Variants in MGAT4C observed in about 807,000 individuals in gnomAD.
MGAT4C encodes MGAT4 family member C, also known as alpha-1,3-mannosyl-glycoprotein 4-beta-N-acetylglucosaminyltransferase C.
Under a neutral mutation model 40.1 loss-of-function variants are expected in MGAT4C, and 19 were observed. The observed-to-expected ratio is 0.47, with a 90% CI of 0.33 to 0.70. The LOEUF is 0.70. Ranked by LOEUF, MGAT4C falls within the 30% of genes least tolerant of loss-of-function variation. MGAT4C has a pLI of 0.02. For missense variants in MGAT4C, 491 were observed against 563.2 expected, an observed-to-expected ratio of 0.87 and a Z score of 1.30; for synonymous variants, 181 against 187.1, an observed-to-expected ratio of 0.97 and a Z score of 0.27.
chr12:86,685,194 T>A (rs1950051886), intron 2 of MGAT4C, among the ~76,000 whole-genome samples: 1 of 152,208 alleles, frequency 6.6e-6, no homozygotes. Context: ...CTTTAATCCA[T>A]CTTGAGTTAA....
intron 2 of MGAT4C, among the ~76,000 whole-genome samples, chr12:86,596,015 T>C (rs1961524162): frequency 6.6e-6 from 1 of 152,162 alleles, no homozygotes; most frequent in Non-Finnish European, 1.5e-5. Context: ...TAACTAATCC[T>C]TGTACTATTA....
rs564165478 is a variant in MGAT4C, at chr12:86,761,781, G to A, written c.-261-34540C>T. Among the ~76,000 whole-genome samples the A allele has an allele frequency of 3.9e-5, 6 of 152,112 alleles. No homozygotes were observed. In the East Asian group the frequency reaches 1.2e-3, roughly 29 times the overall value. Reference sequence around the variant, plus strand: ...CCTCTGCTTCCATCTTCATATTGATGGCTATTCTCTTGAACTTTTTGCTTC... The same window carrying A: ...CCTCTGCTTCCATCTTCATATTGATAGCTATTCTCTTGAACTTTTTGCTTC... On this transcript the variant is annotated intron_variant, in intron 1 of 7. Transcript: ENST00000548651.
chr12:86,229,528 A>G (rs1399496436), intron 1 of MGAT4C, among the ~76,000 whole-genome samples: 1 of 152,026 alleles, frequency 6.6e-6, no homozygotes, highest in Non-Finnish European at 1.5e-5. Context: ...TGTTGTTCTA[A>G]TTCTTAGTTT....
At chr12:86,495,935 C>T (rs1958227372) in intron 2 of MGAT4C, among the ~76,000 whole-genome samples, 1 of 152,106 alleles carries the variant, frequency 6.6e-6, no homozygotes, top group African/African-American at 2.4e-5. Context: ...CTAACCCTTC[C>T]CTAATTCCTG....
At position 86,262,626 on chromosome 12, in the gene MGAT4C, C is replaced by T. The variant is rs776932139; in HGVS notation, c.-57+71439G>A. On this transcript the variant is annotated intron_variant, in intron 4 of 7. Transcript: ENST00000548651. Reference sequence around the variant, plus strand: ...CATTCTGTCTGCTTTTGCTTACTCTCTTAGGCATATGATTCATTTTTAGAG... The same window carrying T: ...CATTCTGTCTGCTTTTGCTTACTCTTTTAGGCATATGATTCATTTTTAGAG... 3.3e-5 allele frequency among the ~76,000 whole-genome samples: 5 copies of T among 152,026 alleles called. No homozygotes were observed. The East Asian group carries it at 9.6e-4, about 29-fold the overall frequency.
At chr12:86,298,254 A>T (rs1953728122) in intron 4 of MGAT4C, among the ~76,000 whole-genome samples, 1 of 152,130 alleles carries the variant, frequency 6.6e-6, no homozygotes, top group Non-Finnish European at 1.5e-5. Flanking sequence ...AACATAAAAT[A>T]TTTAACTTAT....
chr12:86,486,800 T>G (rs1958027993), intron 2 of MGAT4C, among the ~76,000 whole-genome samples: 1 of 152,142 alleles, frequency 6.6e-6, no homozygotes, highest in Non-Finnish European at 1.5e-5. Context: ...CCACAAAACA[T>G]TCTTATTTTT....
At chr12:86,386,207 G>A (rs1291984319) in intron 3 of MGAT4C, among the ~76,000 whole-genome samples, 4 of 152,202 alleles carry the variant, frequency 2.6e-5, no homozygotes, top group Non-Finnish European at 5.9e-5. Flanking sequence ...TGGGATTACA[G>A]GTGTGAGCCA....
intron 2 of MGAT4C, among the ~76,000 whole-genome samples, chr12:86,436,034 T>C (rs1408006136): frequency 2.0e-5 from 3 of 151,916 alleles, no homozygotes; most frequent in African/African-American, 7.2e-5. Context: ...CTCTTTATAA[T>C]GATCTAAGCA....
chr12:86,111,653 T>G (rs1348003881), intron 1 of MGAT4C, among the ~76,000 whole-genome samples: 1 of 151,854 alleles, frequency 6.6e-6, no homozygotes, highest in African/African-American at 2.4e-5. Flanking sequence ...AGGAAGTCTA[T>G]AACCTAAGCC....
At chr12:86,042,207 T>A (rs547460211) in intron 2 of MGAT4C, among the ~76,000 whole-genome samples, 1 of 152,320 alleles carries the variant, frequency 6.6e-6, no homozygotes, top group South Asian at 2.1e-4. Flanking sequence ...GATGACACTG[T>A]ATGAGAGATG....
At chr12:86,662,212 A>G (rs562800206) in intron 2 of MGAT4C, among the ~76,000 whole-genome samples, 31 of 152,316 alleles carry the variant, frequency 2.0e-4, no homozygotes, top group Non-Finnish European at 3.7e-4. Context: ...GCAATATGAG[A>G]TTAACTCATG....
chr12:86,327,125 TTA>T (rs1954547211), intron 4 of MGAT4C, among the ~76,000 whole-genome samples: 1 of 152,156 alleles, frequency 6.6e-6, no homozygotes, highest in Non-Finnish European at 1.5e-5. Flanking sequence ...GCATTTACCA[TTA>T]TCTTATTATC....
intron 2 of MGAT4C, among the ~76,000 whole-genome samples, chr12:86,544,816 T>G (rs1431079780): frequency 6.6e-6 from 1 of 152,062 alleles, no homozygotes; most frequent in African/African-American, 2.4e-5. Context: ...ACCTTAGTAG[T>G]GAATTGTAGC....
At chr12:86,786,400 C>T (rs1052517936) in intron 1 of MGAT4C, among the ~76,000 whole-genome samples, 3 of 151,962 alleles carry the variant, frequency 2.0e-5, no homozygotes, top group Non-Finnish European at 4.4e-5. Flanking sequence ...TATATATTAA[C>T]CAATGATGTC....
At chr12:86,347,333 G>A (rs1156455411) in intron 3 of MGAT4C, among the ~76,000 whole-genome samples, 2 of 151,946 alleles carry the variant, frequency 1.3e-5, no homozygotes, top group Admixed American at 1.3e-4. Context: ...GAAATATTAA[G>A]TATAAAAAAA....
rs1442414496 is a variant in MGAT4C at position 86,221,550 on chromosome 12, C to T, written c.-57+34689G>A. Among the ~76,000 whole-genome samples the T allele has an allele frequency of 3.3e-5, 5 of 152,126 alleles. No individual in the cohort carries two copies. The East Asian group carries it at 5.8e-4, about 18-fold the overall frequency. ...TAAATTAGTTATGTCCTAAAGCTGC[C>T]TCTGTACATAGTGACCTGCAATCTA... On this transcript the variant is annotated intron_variant, in intron 1 of 4. Coordinates refer to ENST00000611864, the MANE Select transcript of MGAT4C (RefSeq NM_001351288.2).
At chr12:86,401,671 C>T (rs1345547345) in intron 3 of MGAT4C, among the ~76,000 whole-genome samples, 1 of 152,106 alleles carries the variant, frequency 6.6e-6, no homozygotes, top group African/African-American at 2.4e-5. Flanking sequence ...GTCTTCACTT[C>T]ACGTCTTGTG....
chr12:85,959,032 C>CAA lies in MGAT4C; in HGVS notation c.*20255_*20256dup, dbSNP rs1228309154. The CAA allele has an allele frequency of 2.3e-3, 322 of 140,386 alleles. 3 individuals carry two copies. Among genetic ancestry groups the CAA allele is most frequent in the African/African-American group, 8.6e-3 (305 of 35,368 alleles). The allele number at this position is 140,386 out of a possible 1,614,324, so 8.7% of individuals were successfully genotyped here. ...AATCTCTGGTAACCACTATACAATA[C>CAA]AATACAATACAATACAATACAATAC... On this transcript the variant is annotated 3_prime_UTR_variant, in exon 5 of 5. Coordinates refer to ENST00000611864, the MANE Select transcript of MGAT4C (RefSeq NM_001351288.2).
Sources: gnomAD v4.1 joint callset for allele counts (sites outside exome capture counted in the v4.1 genomes callset) on GRCh38, gnomAD v4.1.1 for gene constraint, MANE v1.5 for transcripts, NCBI Gene and HGNC (gene_info 2026-07-23, HGNC 2026-07-21) for gene names.